ZNF493: variants seen among roughly 807,000 people sequenced by gnomAD.
ZNF493 encodes zinc finger protein 493.
In ZNF493, 11 loss-of-function variants were observed where a neutral mutation model predicts 12.2. The ratio of observed to expected loss-of-function variants is 0.90; its 90% CI spans 0.57 to 1.50. ZNF493 has a LOEUF of 1.50. Ranked by LOEUF, ZNF493 falls within the 40% of genes most tolerant of loss-of-function variation. The pLI is 0.00. For missense variants in ZNF493, 950 were observed against 906.6 expected (o/e 1.05, Z -0.61); for synonymous variants, 286 against 302.6 (o/e 0.95, Z 0.57).
At chr19:21,416,460 T>C (rs2030497010) in intron 3 of ZNF493, among the ~76,000 whole-genome samples, 1 of 152,194 alleles carries the variant, frequency 6.6e-6, no homozygotes, top group African/African-American at 2.4e-5. Context: ...TACTTCGATA[T>C]ACTTCAGGGG....
In ZNF493 at chr19:21,419,310, C is replaced by T. The variant is rs192960101; in HGVS notation, c.254-3603C>T. ...GCAAACTACAACTTTTTTTGTCAGA[C>T]GAGATCTACCACAGGGGCCTTGTAT... On this transcript the variant is annotated intron_variant, in intron 3 of 3. Coordinates refer to ENST00000392288, the MANE Select transcript of ZNF493 (RefSeq NM_001076678.3). Among the ~76,000 whole-genome samples, 131 of 151,878 alleles carry T rather than the reference C, an allele frequency of 8.6e-4. 2 individuals carry two copies. The East Asian group carries it at 8.8e-3, about 10-fold the overall frequency.
intron 3 of ZNF493, among the ~76,000 whole-genome samples, chr19:21,410,118 C>G (rs1021038839): frequency 7.0e-5 from 10 of 141,980 alleles, no homozygotes; most frequent in African/African-American, 2.6e-4. Flanking sequence ...GTTTATAAAT[C>G]AAGAGACATC....
intron 1 of ZNF493, 54 bp downstream of exon 1, chr19:21,397,321 G>C (rs754496673): frequency 6.2e-7 from 1 of 1,607,768 alleles, no homozygotes; most frequent in East Asian, 2.2e-5. Flanking sequence ...GCTCGGAACC[G>C]GTGGGAAGTG....
At chr19:21,419,838 C>T (rs981502439) in intron 3 of ZNF493, among the ~76,000 whole-genome samples, 1 of 152,088 alleles carries the variant, frequency 6.6e-6, no homozygotes, top group Non-Finnish European at 1.5e-5. Context: ...TGTACATTGT[C>T]CTGCTATTCT....
chr19:21,423,190 T>C lies in ZNF493; in HGVS notation c.531T>C (p.Thr177=), dbSNP rs1402136950. The change falls in exon 4 of 4, where the codon ACT becomes ACC. Residue 177 remains threonine, a synonymous_variant. Transcript: ENST00000392288. The stretch of plus-strand genomic sequence containing the variant: ...CAAATAGACATAACACAAAACATAC[T>C]GGAAAGAAACCTTTCAAATGTAAAA... ...LNSNRHNTKH[T]GKKPFKCKKC... 1 of 1,613,694 alleles carries C rather than the reference T, an allele frequency of 6.2e-7. No homozygotes were observed. The highest frequency in any genetic ancestry group is 8.5e-7 in the Non-Finnish European group (1 of 1,179,854).
rs766934918 is a variant in ZNF493, at chr19:21,420,655, T to TTTTTTTC, written c.254-2258_254-2257insTTTTTTC. Among the ~76,000 whole-genome samples the TTTTTTTC allele has an allele frequency of 4.1e-4, 19 of 46,510 alleles. 5 individuals are homozygous for TTTTTTTC. Among genetic ancestry groups the TTTTTTTC allele is most frequent in the Admixed American group, 9.0e-4 (3 of 3,322 alleles). 30.5% of individuals were successfully genotyped at this position (46,510 alleles called of 152,430 possible). ...TTTTTTTTTTTTTTTTTTTTTTTTT[T>TTTTTTTC]CAGAACTTTGACTATATCACACAAT... On this transcript the variant is annotated intron_variant, in intron 3 of 3. Transcript: ENST00000392288.
intron 1 of ZNF493, among the ~76,000 whole-genome samples, chr19:21,401,029 T>C (rs1408117296): frequency 6.6e-6 from 1 of 152,224 alleles, no homozygotes; most frequent in Non-Finnish European, 1.5e-5. Context: ...TCTTTTCTTG[T>C]GCCAGTTTTC....
intron 1 of ZNF493, among the ~76,000 whole-genome samples, chr19:21,401,733 C>G (rs1296274852): frequency 1.3e-5 from 2 of 151,428 alleles, no homozygotes; most frequent in Non-Finnish European, 2.9e-5. Context: ...TTAAGCAATG[C>G]TCTGCTTCAG....
At chr19:21,420,697 A>G (rs2030650449) in intron 3 of ZNF493, among the ~76,000 whole-genome samples, 1 of 125,716 alleles carries the variant, frequency 8.0e-6, no homozygotes, top group African/African-American at 3.1e-5. Context: ...CTGGCCTGCA[A>G]AATTTTTCTT....
intron 3 of ZNF493, among the ~76,000 whole-genome samples, chr19:21,407,208 G>C (rs74489550): frequency 6.6e-6 from 1 of 152,006 alleles, no homozygotes; most frequent in African/African-American, 2.4e-5. Context: ...AATTAGTTGG[G>C]TGTGGCTGTG....
intron 1 of ZNF493, among the ~76,000 whole-genome samples, chr19:21,401,852 G>C (rs1457762026): frequency 6.6e-6 from 1 of 151,962 alleles, no homozygotes; most frequent in Non-Finnish European, 1.5e-5. Context: ...CGCTGTTCTT[G>C]AACTTCTGAC....
Position 21,423,386 on chromosome 19 carries a change from G to C in ZNF493, c.727G>C (p.Gly243Arg). 1 of 1,613,254 alleles carries C rather than the reference G, an allele frequency of 6.2e-7. No homozygotes were observed. The highest frequency in any genetic ancestry group is 8.5e-7 in the Non-Finnish European group (1 of 1,179,750). Residue 243 changes from glycine (G) to arginine (R), a missense_variant, in exon 4 of 4, where the codon GGC (glycine) becomes CGC (arginine). Coordinates refer to ENST00000392288, the MANE Select transcript of ZNF493 (RefSeq NM_001076678.3). Reference sequence around the variant, plus strand: ...AGAGAAATCCTACAAATATGAATGTGGCAAATCTTTTAACCAGGACTCAAA... The same window carrying C: ...AGAGAAATCCTACAAATATGAATGTCGCAAATCTTTTAACCAGGACTCAAA... The part of the protein sequence containing the change: ...TGEKSYKYEC[G>R]KSFNQDSNLT...
intron 3 of ZNF493, chr19:21,408,883 T>TTCTTTC (rs200000098): frequency 4.3e-6 from 2 of 463,094 alleles, no homozygotes; most frequent in Non-Finnish European, 5.5e-6. Flanking sequence ...CTTTCTTTCT[T>TTCTTTC]TTTTTTTTTT....
At position 21,405,213 on chromosome 19, in the gene ZNF493, A is replaced by T; in HGVS notation, c.115A>T (p.Arg39Trp). Residue 39 changes from arginine (R) to tryptophan (W), a missense_variant, in exon 2 of 4, where the codon AGG (arginine) becomes TGG (tryptophan). Arg to Trp is a moderately radical substitution (Grantham distance 101, BLOSUM62 -3). Transcript: ENST00000392288. ...CLDTAQQDLY[R>W]KVMLENYRNL... ...GGACACTGCTCAGCAGGATTTGTAT[A>T]GGAAAGTGATGTTAGAGAACTACAG... 1 of 1,614,026 alleles carries T rather than the reference A, an allele frequency of 6.2e-7. No individual in the cohort carries two copies. Among genetic ancestry groups the T allele is most frequent in the Non-Finnish European group, 8.5e-7 (1 of 1,179,988 alleles).
chr19:21,397,329 G>A (rs1203811761), intron 1 of ZNF493, 62 bp downstream of exon 1: 3 of 1,603,090 alleles, frequency 1.9e-6, no homozygotes, highest in African/African-American at 2.7e-5. Flanking sequence ...CCGGTGGGAA[G>A]TGGCTGTGGC....
At chr19:21,406,313 A>G (rs538838158) in intron 3 of ZNF493, among the ~76,000 whole-genome samples, 80 of 152,154 alleles carry the variant, frequency 5.3e-4, no homozygotes, top group African/African-American at 1.8e-3. Context: ...GTTCCAAAGC[A>G]AAGAGTTTCT....
At chr19:21,404,158 G>A (rs2030039470) in intron 1 of ZNF493, among the ~76,000 whole-genome samples, 1 of 152,196 alleles carries the variant, frequency 6.6e-6, no homozygotes, top group South Asian at 2.1e-4. Context: ...AGAGATACCT[G>A]CTCTCTCAGG....
At chr19:21,402,830 G>A (rs921428946) in intron 1 of ZNF493, among the ~76,000 whole-genome samples, 9 of 152,182 alleles carry the variant, frequency 5.9e-5, no homozygotes, top group African/African-American at 2.2e-4. Flanking sequence ...TGAGGGATAA[G>A]GCCACAAAGT....
intron 1 of ZNF493, among the ~76,000 whole-genome samples, chr19:21,400,383 C>T (rs1255572266): frequency 6.6e-6 from 1 of 151,752 alleles, no homozygotes; most frequent in Non-Finnish European, 1.5e-5. Context: ...GTACTCTGGC[C>T]TGGTGACAGA....
Sources: gnomAD v4.1 joint callset for allele counts (sites outside exome capture counted in the v4.1 genomes callset) on GRCh38, gnomAD v4.1.1 for gene constraint, MANE v1.5 for transcripts, NCBI Gene and HGNC (gene_info 2026-07-23, HGNC 2026-07-21) for gene names.